Variants in DDX10 observed in about 807,000 individuals in gnomAD.
The protein encoded by DDX10 is probable ATP-dependent RNA helicase DDX10.
DDX10 carries 74 observed loss-of-function variants against 104.3 expected under a neutral mutation model. That is an observed-to-expected ratio of 0.71 (90% CI 0.59 to 0.86). The LOEUF is 0.86. Ranked by LOEUF, DDX10 falls within the 40% of genes least tolerant of loss-of-function variation. The pLI, the probability that DDX10 is intolerant of heterozygous loss-of-function variation, is 0.00. For missense variants in DDX10, 952 were observed against 1,040.0 expected, an observed-to-expected ratio of 0.92 and a Z score of 1.16; for synonymous variants, 351 against 353.4, an observed-to-expected ratio of 0.99 and a Z score of 0.08.
chr11:108,798,439 C>G (rs1216849112), intron 13 of DDX10, among the ~76,000 whole-genome samples: 1 of 152,192 alleles, frequency 6.6e-6, no homozygotes, highest in Non-Finnish European at 1.5e-5. Context: ...AACAGTAACT[C>G]TGTAATTCCT....
intron 13 of DDX10, among the ~76,000 whole-genome samples, chr11:108,731,186 G>A (rs1256883833): frequency 6.6e-6 from 1 of 151,934 alleles, no homozygotes; most frequent in Non-Finnish European, 1.5e-5. Flanking sequence ...GAGTAGCTGA[G>A]ATTACAGGCA....
At chr11:108,703,892 A>C (rs1410217717) in intron 9 of DDX10, among the ~76,000 whole-genome samples, 1 of 152,184 alleles carries the variant, frequency 6.6e-6, no homozygotes, top group Non-Finnish European at 1.5e-5. Context: ...GTAATGTAAA[A>C]TAGGTAAAAT....
intron 13 of DDX10, among the ~76,000 whole-genome samples, chr11:108,809,881 T>C (rs1190704118): frequency 6.6e-6 from 1 of 152,206 alleles, no homozygotes; most frequent in African/African-American, 2.4e-5. Context: ...AGCAGGCATG[T>C]CAAAAATTGA....
At chr11:108,803,523 G>A (rs1265602845) in intron 13 of DDX10, among the ~76,000 whole-genome samples, 2 of 150,708 alleles carry the variant, frequency 1.3e-5, no homozygotes, top group Admixed American at 6.6e-5. Flanking sequence ...GAACCCAGGA[G>A]GCAGAGGTTG....
chr11:108,744,542 G>A (rs2094329098), intron 13 of DDX10, among the ~76,000 whole-genome samples: 1 of 152,104 alleles, frequency 6.6e-6, no homozygotes, highest in African/African-American at 2.4e-5. Flanking sequence ...TGCAGAGTGG[G>A]TTAGCCTGAG....
At chr11:108,755,090 A>G (rs193153820) in intron 13 of DDX10, among the ~76,000 whole-genome samples, 2 of 152,128 alleles carry the variant, frequency 1.3e-5, no homozygotes, top group Admixed American at 6.6e-5. Context: ...TTATGGTACA[A>G]ACTGCTGTGG....
chr11:108,675,573 A>G, intron 2 of DDX10, 23 bp from the exon 3 acceptor site: 1 of 1,611,166 alleles, frequency 6.2e-7, no homozygotes. Flanking sequence ...TCTAAAGTAT[A>G]ATTCTTCCCT....
intron 16 of DDX10, among the ~76,000 whole-genome samples, chr11:108,877,563 TTG>T (rs1340314846): frequency 6.6e-6 from 1 of 152,204 alleles, no homozygotes; most frequent in Non-Finnish European, 1.5e-5. Flanking sequence ...TAGATATTTA[TTG>T]TGTTACCAAT....
intron 9 of DDX10, among the ~76,000 whole-genome samples, chr11:108,698,436 G>A (rs953499552): frequency 2.0e-5 from 3 of 152,066 alleles, no homozygotes; most frequent in South Asian, 2.1e-4. Context: ...GCTTCTTTAC[G>A]TGACCTGCTT....
chr11:108,848,614 A>C (rs1862750344), intron 15 of DDX10, among the ~76,000 whole-genome samples: 1 of 152,114 alleles, frequency 6.6e-6, no homozygotes, highest in Non-Finnish European at 1.5e-5. Flanking sequence ...ATGAGCTTAT[A>C]ACATCTAGTG....
intron 9 of DDX10, among the ~76,000 whole-genome samples, chr11:108,705,543 G>A (rs1226592540): frequency 1.3e-5 from 2 of 152,038 alleles, no homozygotes; most frequent in African/African-American, 2.4e-5. Context: ...TTTTACTTGT[G>A]TGTTTGTTTT....
intron 16 of DDX10, among the ~76,000 whole-genome samples, chr11:108,861,760 G>A (rs901029268): frequency 3.3e-5 from 5 of 152,196 alleles, no homozygotes; most frequent in Middle Eastern, 3.4e-3. Flanking sequence ...CAAGCTATAA[G>A]CCTATGGTTT....
At chr11:108,707,039 A>T (rs1274130184) in intron 10 of DDX10, among the ~76,000 whole-genome samples, 3 of 152,200 alleles carry the variant, frequency 2.0e-5, no homozygotes, top group Non-Finnish European at 4.4e-5. Context: ...CCCATTCCCC[A>T]AACATGCACA....
intron 13 of DDX10, among the ~76,000 whole-genome samples, chr11:108,764,255 G>A (rs1234956495): frequency 6.6e-6 from 1 of 152,172 alleles, no homozygotes; most frequent in South Asian, 2.1e-4. Flanking sequence ...GCCACATACA[G>A]CACATGATGA....
intron 6 of DDX10, among the ~76,000 whole-genome samples, chr11:108,685,264 C>T (rs1305430720): frequency 4.0e-5 from 6 of 151,276 alleles, no homozygotes; most frequent in Non-Finnish European, 5.9e-5. Flanking sequence ...GTCTGAAAAG[C>T]GCAATATTCG....
chr11:108,855,830 A>G (rs971105137), intron 16 of DDX10, among the ~76,000 whole-genome samples: 1 of 152,250 alleles, frequency 6.6e-6, no homozygotes, highest in African/African-American at 2.4e-5. Context: ...AACAAAGAGT[A>G]GGAAAGAGCT....
At chr11:108,771,358 T>G (rs756216465) in intron 13 of DDX10, among the ~76,000 whole-genome samples, 48 of 151,946 alleles carry the variant, frequency 3.2e-4, no homozygotes, top group Non-Finnish European at 6.2e-4. Context: ...TTTTCTTTTT[T>G]TTCTTTTTTT....
rs563112397 is a variant in DDX10 at position 108,690,454 on chromosome 11, A to G, written c.975+1392A>G. 3.6e-4 allele frequency: 56 copies of G among 153,838 alleles called. 1 individual carries two copies. The South Asian group carries it at 4.8e-3, about 13-fold the overall frequency. The allele number at this position is 153,838 out of a possible 1,614,324, so 9.5% of individuals were successfully genotyped here. On this transcript the variant is annotated intron_variant, in intron 7 of 17. Transcript: ENST00000322536. ...AGGTGGGGATAAGTCTCACCAGCACAGAGAGGGTCTGTCACCCTGCAAGGG... is the reference window on the plus strand; with the variant it reads ...AGGTGGGGATAAGTCTCACCAGCACGGAGAGGGTCTGTCACCCTGCAAGGG...
At chr11:108,816,948 A>G (rs988855829) in intron 13 of DDX10, among the ~76,000 whole-genome samples, 2 of 152,196 alleles carry the variant, frequency 1.3e-5, no homozygotes, top group African/African-American at 4.8e-5. Flanking sequence ...AGTAAACAAG[A>G]TTATGTCATG....
Sources: allele counts gnomAD v4.1 joint callset (sites outside exome capture counted in the v4.1 genomes callset), GRCh38; gene constraint gnomAD v4.1.1; transcripts MANE v1.5; gene names NCBI Gene and HGNC (gene_info 2026-07-23, HGNC 2026-07-21).